CRTC1: variants seen among roughly 807,000 people sequenced by gnomAD.
CRTC1 encodes the protein CREB-regulated transcription coactivator 1.
Under a neutral mutation model 66.1 loss-of-function variants are expected in CRTC1, and 18 were observed. That is an observed-to-expected ratio of 0.27 (90% CI 0.19 to 0.40). The LOEUF is 0.40. Among genes scored for constraint, CRTC1 ranks in the 10% least tolerant of loss-of-function variants. The probability of loss-of-function intolerance (pLI) is 1.00; values close to 1 mark genes in which losing one functional copy is unlikely to be tolerated. For synonymous variants in CRTC1, 416 were observed against 398.8 expected, an observed-to-expected ratio of 1.04 and a Z score of -0.51; for missense variants, 669 against 887.9, an observed-to-expected ratio of 0.75 and a Z score of 3.13.
intron 1 of CRTC1, among the ~76,000 whole-genome samples, chr19:18,718,461 C>T (rs1165132876): frequency 1.3e-5 from 2 of 151,984 alleles, no homozygotes; most frequent in East Asian, 1.9e-4. Flanking sequence ...CTCTGCCTCT[C>T]GAATAGCTGA....
In CRTC1 at chr19:18,768,408, G is replaced by A; in HGVS notation, c.1012-77G>A. 1.6e-6 allele frequency: 2 copies of A among 1,277,596 alleles called. No homozygotes were observed. Among genetic ancestry groups the A allele is most frequent in the Non-Finnish European group, 2.2e-6 (2 of 912,396 alleles). The allele number at this position is 1,277,596 out of a possible 1,614,324, so 79.1% of individuals were successfully genotyped here. On this transcript the variant is annotated intron_variant, in intron 9 of 13. Transcript: ENST00000321949. The surrounding 1 kb of genome is among the most constrained non-coding windows in gnomAD (Gnocchi z 5.6). The stretch of plus-strand genomic sequence containing the variant: ...CCCTTCCACCTCGCCTGCTGAGCAT[G>A]CCAGGCTATGGGGGCCCGAGGGGGC...
In CRTC1 at chr19:18,768,918, T is replaced by G; in HGVS notation, c.1320+125T>G. The G allele has an allele frequency of 1.6e-6, 2 of 1,223,694 alleles. No individual in the cohort carries two copies. Among genetic ancestry groups the G allele is most frequent in the Admixed American group, 5.9e-5 (2 of 34,046 alleles). 75.8% of individuals were successfully genotyped at this position (1,223,694 alleles called of 1,614,324 possible). ...GGTCAGAACCCCAGCGAACGCTGCC[T>G]GGGCCCACCTCTCCACGGGGCTACC... On this transcript the variant is annotated intron_variant, in intron 10 of 13. Coordinates refer to ENST00000321949, the MANE Select transcript of CRTC1 (RefSeq NM_015321.3). The surrounding 1 kb of genome is among the most constrained non-coding windows in gnomAD (Gnocchi z 5.6).
chr19:18,742,257 G>A (rs1279567916), intron 1 of CRTC1, among the ~76,000 whole-genome samples: 3 of 152,170 alleles, frequency 2.0e-5, no homozygotes, highest in Non-Finnish European at 4.4e-5. Flanking sequence ...GATGCCATCA[G>A]GGAGTGGGAA....
At chr19:18,747,304 C>T (rs1442014769) in intron 4 of CRTC1, among the ~76,000 whole-genome samples, 190 bp downstream of exon 4, 4 of 152,056 alleles carry the variant, frequency 2.6e-5, no homozygotes, top group African/African-American at 9.7e-5. Flanking sequence ...GGTCTTCTAA[C>T]ATTTCCCTTC....
At chr19:18,763,186 C>A (rs908763512) in intron 8 of CRTC1, among the ~76,000 whole-genome samples, 12 of 151,180 alleles carry the variant, frequency 7.9e-5, no homozygotes, top group African/African-American at 2.9e-4. Context: ...CTGCAACCTT[C>A]GCCTCCCAGT....
At position 18,741,709 on chromosome 19, in the gene CRTC1, T is replaced by C. The variant is rs930537395; in HGVS notation, c.127-1201T>C. 7.2e-5 allele frequency among the ~76,000 whole-genome samples: 11 copies of C among 152,182 alleles called. No individual in the cohort carries two copies. Among genetic ancestry groups the C allele is most frequent in the African/African-American group, 2.4e-4 (10 of 41,456 alleles). ...CACCAAGGGCTCCCAGCACAGACCC[T>C]GGGCCTCACCCCCAGGCCCTCGAGA... On this transcript the variant is annotated intron_variant, in intron 1 of 13. Coordinates refer to ENST00000321949, the MANE Select transcript of CRTC1 (RefSeq NM_015321.3). This position sits in a 1 kb window ranked among gnomAD's most constrained non-coding sequence, Gnocchi z 4.2.
chr19:18,709,627 C>T (rs113886728), intron 1 of CRTC1, among the ~76,000 whole-genome samples: 1 of 152,184 alleles, frequency 6.6e-6, no homozygotes, highest in Non-Finnish European at 1.5e-5. Context: ...TACCTGCGGA[C>T]ACCCCTGCTG....
intron 1 of CRTC1, among the ~76,000 whole-genome samples, chr19:18,703,248 T>C (rs969770698): frequency 4.6e-5 from 7 of 152,002 alleles, no homozygotes; most frequent in South Asian, 2.1e-4. Context: ...TTAGCCAGGA[T>C]GGTCTCAATC....
chr19:18,684,724 C>T (rs977320244), intron 1 of CRTC1, among the ~76,000 whole-genome samples: 3 of 152,142 alleles, frequency 2.0e-5, no homozygotes, highest in Admixed American at 6.5e-5. Flanking sequence ...GGTGGCTGGG[C>T]GCATTTGGTG....
At chr19:18,728,507 CT>C (rs1035681971) in intron 1 of CRTC1, among the ~76,000 whole-genome samples, 1 of 151,988 alleles carries the variant, frequency 6.6e-6, no homozygotes, top group Non-Finnish European at 1.5e-5. Flanking sequence ...GCCTTATCCT[CT>C]TTTTTTAATT....
chr19:18,707,177 GT>G (rs1173053538), intron 1 of CRTC1, among the ~76,000 whole-genome samples: 4 of 152,072 alleles, frequency 2.6e-5, no homozygotes, highest in African/African-American at 9.7e-5. Context: ...AGTATATATA[GT>G]TTTAGCTTTT....
chr19:18,727,346 C>T (rs2053778423), intron 1 of CRTC1, among the ~76,000 whole-genome samples: 1 of 151,718 alleles, frequency 6.6e-6, no homozygotes, highest in Non-Finnish European at 1.5e-5. Context: ...CTTTGGTAGG[C>T]CGAGGCAGGC....
chr19:18,741,917 C>T lies in CRTC1; in HGVS notation c.127-993C>T, dbSNP rs971808945. On this transcript the variant is annotated intron_variant, in intron 1 of 13. Coordinates refer to ENST00000321949, the MANE Select transcript of CRTC1 (RefSeq NM_015321.3). The surrounding 1 kb of genome is among the most constrained non-coding windows in gnomAD (Gnocchi z 4.2). ...GGTGGGGCAGCCAGCTCTCCACGCA[C>T]TGCCAGGAGCTGTTTGTAAGGAACG... Among the ~76,000 whole-genome samples the T allele has an allele frequency of 6.6e-6, 1 of 152,148 alleles. No homozygotes were observed. Among genetic ancestry groups the T allele is most frequent in the Non-Finnish European group, 1.5e-5 (1 of 68,006 alleles).
chr19:18,704,373 G>A (rs1332543687), intron 1 of CRTC1, among the ~76,000 whole-genome samples: 3 of 152,124 alleles, frequency 2.0e-5, no homozygotes, highest in South Asian at 2.1e-4. Context: ...ACAGGCGTGA[G>A]TCACCATGCC....
rs190084325 is a variant in CRTC1, at chr19:18,697,034, G to A, written c.126+13206G>A. Among the ~76,000 whole-genome samples, 318 of 152,156 alleles carry A rather than the reference G, an allele frequency of 2.1e-3. 2 individuals are homozygous for A. The highest frequency in any genetic ancestry group is 3.5e-3 in the Non-Finnish European group (236 of 67,986). On this transcript the variant is annotated intron_variant, in intron 1 of 13. Transcript: ENST00000321949. ...GTCTCTGACCTCCAACAGGTCCTGC[G>A]TGGCCCCTGGGTGGAGGTGGGTGCC...
At chr19:18,705,538 C>T (rs184862408) in intron 1 of CRTC1, among the ~76,000 whole-genome samples, 16 of 152,132 alleles carry the variant, frequency 1.1e-4, no homozygotes, top group African/African-American at 3.1e-4. Context: ...AGGCTGGTCT[C>T]GAACTCCTGA....
At chr19:18,709,540 G>T (rs1189876838) in intron 1 of CRTC1, among the ~76,000 whole-genome samples, 3 of 152,218 alleles carry the variant, frequency 2.0e-5, no homozygotes, top group Non-Finnish European at 4.4e-5. Flanking sequence ...GGCTGAGAGG[G>T]AGCAGAGAGG....
chr19:18,756,144 G>A (rs2054479868), intron 6 of CRTC1, among the ~76,000 whole-genome samples: 2 of 151,938 alleles, frequency 1.3e-5, no homozygotes, highest in Non-Finnish European at 2.9e-5. Flanking sequence ...CACCAGCCTC[G>A]ACAACATGGT....
At chr19:18,759,924 T>A in intron 7 of CRTC1, 84 bp from the exon 8 acceptor site, 1 of 976,696 alleles carries the variant, frequency 1.0e-6, no homozygotes, top group Non-Finnish European at 1.4e-6. Context: ...TTGCACCCGC[T>A]GATTTTCTCC....
Sources: gnomAD v4.1 joint callset for allele counts (sites outside exome capture counted in the v4.1 genomes callset) on GRCh38, gnomAD v4.1.1 for gene constraint, Gnocchi (gnomAD v3.1) non-coding constraint, MANE v1.5 for transcripts, NCBI Gene and HGNC (gene_info 2026-07-23, HGNC 2026-07-21) for gene names.